The following ACSL6 variants were observed in gnomAD, a reference collection of about 807,000 sequenced individuals.
The protein encoded by ACSL6 is acyl-CoA synthetase long chain family member 6, also known as long-chain-fatty-acid--CoA ligase 6.
Under a neutral mutation model 98.2 loss-of-function variants are expected in ACSL6, and 47 were observed. The ratio of observed to expected loss-of-function variants is 0.48; its 90% CI spans 0.38 to 0.61. ACSL6 has a LOEUF of 0.61. Ranked by LOEUF, ACSL6 falls within the 20% of genes least tolerant of loss-of-function variation. The probability of loss-of-function intolerance (pLI) is 0.00; values close to 1 mark genes in which losing one functional copy is unlikely to be tolerated. For synonymous variants in ACSL6, 362 were observed against 336.9 expected, an observed-to-expected ratio of 1.07 and a Z score of -0.82; for missense variants, 761 against 913.4, an observed-to-expected ratio of 0.83 and a Z score of 2.15.
intron 12 of ACSL6, 94 bp downstream of exon 12, chr5:131,973,172 G>A (rs2149721621): frequency 1.3e-6 from 2 of 1,484,558 alleles, no homozygotes; most frequent in East Asian, 4.5e-5. Flanking sequence ...CTTGGCAGTG[G>A]AGGCACTGAA....
At chr5:132,005,116 C>T (rs1755329111) in intron 1 of ACSL6, among the ~76,000 whole-genome samples, 1 of 151,996 alleles carries the variant, frequency 6.6e-6, no homozygotes, top group Non-Finnish European at 1.5e-5. Flanking sequence ...CACGCCATTG[C>T]ACTCCAGCCT....
At chr5:131,969,011 A>C (rs938970522) in intron 15 of ACSL6, among the ~76,000 whole-genome samples, 80 of 152,234 alleles carry the variant, frequency 5.3e-4, no homozygotes, top group Non-Finnish European at 1.5e-5. Flanking sequence ...GAAGGGATAC[A>C]TGAGGGTAGA....
At chr5:132,011,725 G>C (rs1221347049), upstream of ACSL6, 8 of 1,270,622 alleles carry the variant, frequency 6.3e-6, no homozygotes, top group Non-Finnish European at 6.0e-6. This position sits in a 1 kb window ranked among gnomAD's most constrained non-coding sequence, Gnocchi z 5.4. Flanking sequence ...CTGCGGAGAC[G>C]GCTCAAGGGG....
intron 20 of ACSL6, among the ~76,000 whole-genome samples, chr5:131,956,791 A>T (rs911632313): frequency 3.3e-5 from 5 of 152,148 alleles, no homozygotes; most frequent in African/African-American, 9.7e-5. Flanking sequence ...TGAACTTTTT[A>T]AAAAAAGGTA....
At position 131,980,655 on chromosome 5, in the gene ACSL6, C is replaced by T. The variant is rs745318604; in HGVS notation, c.917-3934G>A. ...TCTCCACCCCCTCAGCCTCCCAGCC[C>T]CACAGCCAGTGCTTAGAATTGATCT... On this transcript the variant is annotated intron_variant, in intron 9 of 20. Coordinates refer to ENST00000651883, the MANE Select transcript of ACSL6 (RefSeq NM_001009185.3). Among the ~76,000 whole-genome samples the T allele has an allele frequency of 1.5e-4, 23 of 152,292 alleles. No homozygotes were observed. The South Asian group carries it at 3.7e-3, about 25-fold the overall frequency.
chr5:131,954,498 A>C, intron 20 of ACSL6, 127 bp from the exon 21 acceptor site: 1 of 1,026,544 alleles, frequency 9.7e-7, no homozygotes, highest in Non-Finnish European at 1.3e-6. Context: ...CTAAGTCAAA[A>C]TTATGTTGAG....
At chr5:131,972,941 G>C (rs912424457) in intron 12 of ACSL6, 83 bp from the exon 13 acceptor site, 4 of 1,583,664 alleles carry the variant, frequency 2.5e-6, no homozygotes, top group African/African-American at 2.7e-5. Flanking sequence ...GGCCCAGACT[G>C]GCCAGCAGAG....
At chr5:132,010,892 C>T (rs1318034169) in intron 1 of ACSL6, among the ~76,000 whole-genome samples, 1 of 152,100 alleles carries the variant, frequency 6.6e-6, no homozygotes, top group Non-Finnish European at 1.5e-5. Flanking sequence ...CTAAGAAGTG[C>T]AGTGGTGAAG....
chr5:131,975,987 A>G, intron 10 of ACSL6: 1 of 985,482 alleles, frequency 1.0e-6, no homozygotes, highest in Non-Finnish European at 1.2e-6. Context: ...GTCATCTACC[A>G]TGAATGTGGA....
chr5:131,979,406 C>A (rs960140458), intron 9 of ACSL6, among the ~76,000 whole-genome samples: 3 of 152,286 alleles, frequency 2.0e-5, no homozygotes, highest in Admixed American at 6.5e-5. Flanking sequence ...GTGTAAGAAT[C>A]TCAAGGGAAA....
In ACSL6 at chr5:131,960,612, C is replaced by A. The variant is rs778981134; in HGVS notation, c.1867G>T (p.Val623Leu). The A allele has an allele frequency of 3.7e-6, 6 of 1,613,346 alleles. No homozygotes were observed. Among genetic ancestry groups the A allele is most frequent in the African/African-American group, 1.3e-5 (1 of 74,864 alleles). The stretch of plus-strand genomic sequence containing the variant: ...TCAGGGTCAGGCACAACAATGCCTA[C>A]CAAAAAGGCCTGCAGTGCTCACCAA... Reference protein sequence around the residue: ...VHGDSLKAFLVGIVVPDPEVM... With the variant: ...VHGDSLKAFLLGIVVPDPEVM... The change falls in exon 19 of 21, where the codon GTA (valine) becomes TTA (leucine). Residue 623 changes from valine (V) to leucine (L), a missense_variant. Physicochemically the swap from Val to Leu is conservative, Grantham distance 32 (BLOSUM62 1). Coordinates refer to ENST00000651883, the MANE Select transcript of ACSL6 (RefSeq NM_001009185.3).
At chr5:131,975,867 C>G in intron 10 of ACSL6, 9 of 985,462 alleles carry the variant, frequency 9.1e-6, no homozygotes, top group Non-Finnish European at 8.4e-6. Context: ...CTTGGGCAAA[C>G]CTTGGCTCCT....
intron 19 of ACSL6, among the ~76,000 whole-genome samples, chr5:131,960,087 T>C (rs1010742111): frequency 1.2e-4 from 18 of 152,322 alleles, no homozygotes; most frequent in Admixed American, 1.1e-3. Flanking sequence ...ATTGTGCTAC[T>C]TTTTCTATTC....
chr5:131,971,511 T>G (rs754311268), intron 14 of ACSL6, 39 bp downstream of exon 14: 1 of 1,537,918 alleles, frequency 6.5e-7, no homozygotes, highest in African/African-American at 1.4e-5. Context: ...CCTAACGAAC[T>G]TCCTGCTGTT....
intron 9 of ACSL6, among the ~76,000 whole-genome samples, chr5:131,980,606 G>GT (rs1256486755): frequency 1.3e-5 from 2 of 152,174 alleles, no homozygotes; most frequent in African/African-American, 4.8e-5. Flanking sequence ...AGTTAGAACA[G>GT]AAGGGACGCC....
chr5:131,963,442 G>C (rs1752840656), intron 17 of ACSL6, among the ~76,000 whole-genome samples: 1 of 152,206 alleles, frequency 6.6e-6, no homozygotes, highest in Non-Finnish European at 1.5e-5. Context: ...GTCAGTTCAA[G>C]CTTCCAGCTC....
At chr5:132,010,232 T>G (rs2126977678) in intron 1 of ACSL6, among the ~76,000 whole-genome samples, 1 of 152,306 alleles carries the variant, frequency 6.6e-6, no homozygotes, top group South Asian at 2.1e-4. Context: ...AGTGTCCCTG[T>G]GGCCTAACTT....
chr5:131,956,592 C>A (rs1327940995), intron 20 of ACSL6, among the ~76,000 whole-genome samples: 2 of 152,154 alleles, frequency 1.3e-5, no homozygotes, highest in Non-Finnish European at 2.9e-5. Context: ...AATACCTATA[C>A]AACCTGCTTG....
At chr5:131,998,365 A>G (rs1272756872) in intron 1 of ACSL6, among the ~76,000 whole-genome samples, 1 of 152,208 alleles carries the variant, frequency 6.6e-6, no homozygotes, top group Non-Finnish European at 1.5e-5. Flanking sequence ...CTTTTTCTCC[A>G]GCACAGACCA....
Sources: allele counts gnomAD v4.1 joint callset (sites outside exome capture counted in the v4.1 genomes callset), GRCh38; gene constraint gnomAD v4.1.1; non-coding constraint Gnocchi (gnomAD v3.1); transcripts MANE v1.5; gene names NCBI Gene and HGNC (gene_info 2026-07-23, HGNC 2026-07-21).